The following PTMA variants were observed in gnomAD, a reference collection of about 807,000 sequenced individuals.
PTMA encodes the protein prothymosin alpha.
PTMA carries 4 observed loss-of-function variants against 16.9 expected under a neutral mutation model. The observed-to-expected ratio is 0.24, with a 90% confidence interval of 0.12 to 0.54. The LOEUF is 0.54. Ranked by LOEUF, PTMA falls within the 20% of genes least tolerant of loss-of-function variation. PTMA has a pLI of 0.95. For missense variants in PTMA, 120 were observed against 137.7 expected (o/e 0.87, Z 0.64); for synonymous variants, 58 against 47.9 (o/e 1.21, Z -0.87).
At chr2:231,709,557 C>A (rs1189014628) in intron 1 of PTMA, among the ~76,000 whole-genome samples, 1 of 152,150 alleles carries the variant, frequency 6.6e-6, no homozygotes, top group Admixed American at 6.5e-5. Flanking sequence ...CCCGGGAGCA[C>A]CGTGTGCGCC....
chr2:231,712,178 C>A (rs374775434), intron 3 of PTMA, among the ~76,000 whole-genome samples, 195 bp downstream of exon 3: 57 of 151,846 alleles, frequency 3.8e-4, no homozygotes, highest in East Asian at 3.3e-3. Flanking sequence ...TGCCCACTCA[C>A]ACTCACTCGC....
Position 231,710,494 on chromosome 2 carries a change from G to C in PTMA, c.46-854G>C, listed in dbSNP as rs113518561. 5.2e-3 allele frequency: 5,613 copies of C among 1,082,658 alleles called. 30 individuals are homozygous for C. Among genetic ancestry groups the C allele is most frequent in the Non-Finnish European group, 6.1e-3 (5,016 of 816,228 alleles). 67.1% of individuals were successfully genotyped at this position (1,082,658 alleles called of 1,614,324 possible). On this transcript the variant is annotated intron_variant, in intron 1 of 4. Transcript: ENST00000409115. ...GCCGGGGTCCGCGGAGCGGAGCGGG[G>C]CGGGCCGGACTGAGAGGGCCGACAG...
At chr2:231,709,863 C>G (rs887196389) in intron 1 of PTMA, 2 of 263,116 alleles carry the variant, frequency 7.6e-6, no homozygotes, top group African/African-American at 4.4e-5. Context: ...GTCACCTTGG[C>G]GTCTCCTTAA....
chr2:231,710,257 G>T, intron 1 of PTMA: 1 of 1,337,266 alleles, frequency 7.5e-7, no homozygotes, highest in African/African-American at 1.5e-5. Flanking sequence ...CGCGACCCGC[G>T]CGCGTGCCAC....
At chr2:231,710,661 G>C (rs1210965809) in intron 1 of PTMA, 4 of 441,540 alleles carry the variant, frequency 9.1e-6, no homozygotes, top group Admixed American at 2.5e-5. Flanking sequence ...ATCCCGGGCG[G>C]AGTCCCACCC....
intron 2 of PTMA, 55 bp from the exon 3 acceptor site, chr2:231,711,835 C>T (rs2048522225): frequency 6.2e-7 from 1 of 1,600,064 alleles, no homozygotes; most frequent in Admixed American, 1.8e-5. Context: ...AGGAGCAACG[C>T]TCTGTCCAGC....
At chr2:231,708,831 T>C (rs911664668) in intron 1 of PTMA, 80 bp downstream of exon 1, 5 of 1,498,216 alleles carry the variant, frequency 3.3e-6, no homozygotes, top group Admixed American at 3.9e-5. Context: ...AGCTGGACTG[T>C]CTCAAGCCCG....
chr2:231,711,891 A>G lies in PTMA; in HGVS notation c.119A>G (p.Asn40Ser), dbSNP rs2048522932. Reference sequence around the variant, plus strand: ...CATGGCCTGTTTTCTGTCGAGGAGAATGAGGAAAATGGGGAGCAGGAGGCT... The same window carrying G: ...CATGGCCTGTTTTCTGTCGAGGAGAGTGAGGAAAATGGGGAGCAGGAGGCT... Reference protein sequence around the residue: ...GRDAPANGNANEENGEQEADN... With the variant: ...GRDAPANGNASEENGEQEADN... The change falls in exon 3 of 5, where the codon AAT (asparagine) becomes AGT (serine). Residue 40 changes from asparagine (N) to serine (S), a missense_variant and splice_region_variant. Physicochemically the swap from Asn to Ser is conservative, Grantham distance 46. Transcript: ENST00000409115. The G allele has an allele frequency of 6.2e-7, 1 of 1,612,568 alleles. No individual in the cohort carries two copies. Among genetic ancestry groups the G allele is most frequent in the Non-Finnish European group, 8.5e-7 (1 of 1,179,550 alleles).
At position 231,712,666 on chromosome 2, in the gene PTMA, G is replaced by GTTTCCTTC. The variant is rs1448645833; in HGVS notation, c.286-138_286-137insTTTCCTTC. On this transcript the variant is annotated intron_variant, in intron 4 of 4. Coordinates refer to ENST00000409115, the MANE Select transcript of PTMA (RefSeq NM_002823.5). ...ATCTTAAGAACAGGAAGGAAACAGG[G>GTTTCCTTC]CTGGGCTCAACTTCCCAGAGGCCTT... 54 of 1,322,444 alleles carry GTTTCCTTC rather than the reference G, an allele frequency of 4.1e-5. No individual in the cohort carries two copies. The African/African-American group carries it at 8.0e-4, about 19-fold the overall frequency. The allele number at this position is 1,322,444 out of a possible 1,614,324, so 81.9% of individuals were successfully genotyped here. A position where few individuals can be genotyped will look rare whatever the true frequency, so the allele number is the denominator to read the frequency against.
chr2:231,710,222 G>C, intron 1 of PTMA: 1 of 1,344,068 alleles, frequency 7.4e-7, no homozygotes, highest in Non-Finnish European at 9.7e-7. Flanking sequence ...GTGGGGCGTC[G>C]AGTCGAGAGC....
At chr2:231,709,903 C>A in intron 1 of PTMA, 2 of 379,746 alleles carry the variant, frequency 5.3e-6, no homozygotes, top group Non-Finnish European at 8.7e-6. Flanking sequence ...ATCTCTGACT[C>A]TCCCAGGGGC....
chr2:231,709,183 G>A (rs930695369), intron 1 of PTMA, among the ~76,000 whole-genome samples: 1 of 152,136 alleles, frequency 6.6e-6, no homozygotes, highest in Non-Finnish European at 1.5e-5. Context: ...GCCGCGGGAA[G>A]TGGCGGCGAG....
At chr2:231,711,554 A>G (rs1382768977) in intron 2 of PTMA, 135 bp downstream of exon 2, 19 of 861,774 alleles carry the variant, frequency 2.2e-5, no homozygotes, top group African/African-American at 3.4e-5. Context: ...ATCGTAGCCA[A>G]TGAGCTTTAC....
intron 1 of PTMA, 60 bp downstream of exon 1, chr2:231,708,811 G>C (rs1026183068): frequency 8.9e-6 from 14 of 1,568,564 alleles, no homozygotes; most frequent in African/African-American, 5.4e-5. Flanking sequence ...GGCGGTGTTT[G>C]GCGCGCAGCA....
At chr2:231,710,250 G>A in intron 1 of PTMA, 2 of 1,337,230 alleles carry the variant, frequency 1.5e-6, no homozygotes, top group Non-Finnish European at 1.9e-6. Flanking sequence ...ACCGACGCGC[G>A]ACCCGCGCGC....
intron 1 of PTMA, among the ~76,000 whole-genome samples, chr2:231,709,198 C>T (rs2048482975): frequency 6.6e-6 from 1 of 152,152 alleles, no homozygotes; most frequent in Non-Finnish European, 1.5e-5. Context: ...GGCGAGCGCC[C>T]GCCGGCCGCG....
intron 1 of PTMA, chr2:231,710,726 C>A (rs1220022697): frequency 8.5e-6 from 3 of 351,792 alleles, no homozygotes; most frequent in South Asian, 6.1e-5. Context: ...GTTGGTGGCT[C>A]CGGCGGCAGG....
At chr2:231,709,243 C>T (rs2048484006) in intron 1 of PTMA, among the ~76,000 whole-genome samples, 1 of 152,178 alleles carries the variant, frequency 6.6e-6, no homozygotes, top group African/African-American at 2.4e-5. Flanking sequence ...GGCGGTTTCG[C>T]GCCCTGCAGC....
At chr2:231,710,354 T>G in intron 1 of PTMA, 1 of 1,208,060 alleles carries the variant, frequency 8.3e-7, no homozygotes, top group Non-Finnish European at 1.0e-6. Context: ...GCGCGGTGCG[T>G]GCCGAGGCCC....
Sources: gnomAD v4.1 joint callset for allele counts (sites outside exome capture counted in the v4.1 genomes callset) on GRCh38, gnomAD v4.1.1 for gene constraint, MANE v1.5 for transcripts, NCBI Gene and HGNC (gene_info 2026-07-23, HGNC 2026-07-21) for gene names.